Variants in RAD51B observed in about 807,000 individuals in gnomAD.
The protein encoded by RAD51B is RAD51 paralog B.
A neutral mutation model predicts 42.2 loss-of-function variants in RAD51B; 38 were observed. That is an observed-to-expected ratio of 0.90 (90% confidence interval 0.70 to 1.18). RAD51B has a LOEUF of 1.18. Among genes scored for constraint, RAD51B ranks in the 50% most tolerant of loss-of-function variants. The probability of loss-of-function intolerance (pLI) is 0.00; values close to 1 mark genes in which losing one functional copy is unlikely to be tolerated. For missense variants in RAD51B, 373 were observed against 400.7 expected (o/e 0.93, Z 0.59); for synonymous variants, 154 against 145.2 (o/e 1.06, Z -0.43).
intron 7 of RAD51B, among the ~76,000 whole-genome samples, chr14:67,969,141 C>G (rs1340479429): frequency 6.6e-6 from 1 of 152,214 alleles, no homozygotes; most frequent in Non-Finnish European, 1.5e-5. Context: ...CCATCTCCCA[C>G]TGGGTCTCTC....
At chr14:67,934,667 A>G (rs2044869057) in intron 7 of RAD51B, among the ~76,000 whole-genome samples, 1 of 152,142 alleles carries the variant, frequency 6.6e-6, no homozygotes, top group Non-Finnish European at 1.5e-5. Flanking sequence ...TTTGTTTCGT[A>G]TTCTCTATTT....
chr14:68,554,421 C>T (rs1888725480), intron 10 of RAD51B, among the ~76,000 whole-genome samples: 1 of 152,186 alleles, frequency 6.6e-6, no homozygotes, highest in Non-Finnish European at 1.5e-5. Context: ...ACACAGTCCT[C>T]CTGCCGGAGG....
intron 7 of RAD51B, among the ~76,000 whole-genome samples, chr14:68,100,686 T>A (rs905920674): frequency 6.6e-6 from 1 of 152,184 alleles, no homozygotes; most frequent in Non-Finnish European, 1.5e-5. Context: ...AAAGGGGCTA[T>A]GAATATTGAA....
intron 10 of RAD51B, chr14:68,540,166 CTTTTTTTTTT>C (rs11321834): frequency 1.7e-5 from 10 of 587,326 alleles, no homozygotes; most frequent in African/African-American, 2.5e-5. Context: ...TACCCTGCTC[CTTTTTTTTTT>C]TTTTTTTTTT....
At chr14:68,177,626 T>C (rs2078986151) in intron 7 of RAD51B, among the ~76,000 whole-genome samples, 1 of 151,294 alleles carries the variant, frequency 6.6e-6, no homozygotes, top group Admixed American at 6.6e-5. Flanking sequence ...CAGTGGGGAA[T>C]GAGAGAAAGG....
At chr14:68,430,407 G>A (rs942578005) in intron 9 of RAD51B, among the ~76,000 whole-genome samples, 7 of 152,042 alleles carry the variant, frequency 4.6e-5, no homozygotes, top group African/African-American at 7.2e-5. Flanking sequence ...ATTTGTTTGT[G>A]TCCTCTTTTA....
rs1237809337 is a variant in RAD51B at position 68,499,277 on chromosome 14, T to A, written c.1036+31027T>A. On this transcript the variant is annotated intron_variant, in intron 10 of 10. Transcript: ENST00000487270. ...GTCCCCCATTGGATGCAATGTTTCT[T>A]ACTAAGCGGAAAGAACTTGTTTTCA... Among the ~76,000 whole-genome samples the A allele has an allele frequency of 2.0e-5, 3 of 152,206 alleles. No individual in the cohort carries two copies. In the East Asian group the frequency reaches 5.8e-4, roughly 29 times the overall value.
intron 8 of RAD51B, among the ~76,000 whole-genome samples, chr14:68,344,715 A>G (rs1050660739): frequency 6.6e-6 from 1 of 152,064 alleles, no homozygotes; most frequent in African/African-American, 2.4e-5. Context: ...TAGGAGGCCA[A>G]GGCAGGCAGA....
At chr14:68,292,432 C>T (rs945373080) in intron 8 of RAD51B, among the ~76,000 whole-genome samples, 8 of 152,158 alleles carry the variant, frequency 5.3e-5, no homozygotes, top group East Asian at 3.8e-4. Flanking sequence ...AAAATCTCCA[C>T]GCTGGTAAAT....
intron 7 of RAD51B, among the ~76,000 whole-genome samples, chr14:68,223,896 G>C (rs1566740335): frequency 6.6e-6 from 1 of 152,164 alleles, no homozygotes; most frequent in African/African-American, 2.4e-5. Flanking sequence ...AGGGAGGGAG[G>C]CTTAACTGAC....
chr14:68,146,999 A>G (rs1213978746), intron 7 of RAD51B, among the ~76,000 whole-genome samples: 2 of 152,194 alleles, frequency 1.3e-5, no homozygotes, highest in East Asian at 3.8e-4. Context: ...GTTCATCCAG[A>G]TGGGATCAGA....
intron 10 of RAD51B, among the ~76,000 whole-genome samples, chr14:68,633,839 G>A (rs1892287995): frequency 1.3e-5 from 2 of 152,380 alleles, no homozygotes; most frequent in South Asian, 4.1e-4. Context: ...GGCCAGGGCT[G>A]TTTGGACAAC....
intron 7 of RAD51B, among the ~76,000 whole-genome samples, chr14:68,045,960 C>T (rs529478359): frequency 2.0e-4 from 30 of 152,176 alleles, no homozygotes; most frequent in African/African-American, 5.3e-4. Flanking sequence ...TTCTCTCCTT[C>T]GACATGGCAG....
chr14:67,887,152 T>C lies in RAD51B; in HGVS notation c.704T>C (p.Leu235Ser). The change falls in exon 7 of 11, where the codon TTG (leucine) becomes TCG (serine). Residue 235 changes from leucine (L) to serine (S), a missense_variant. Coordinates refer to ENST00000471583, the MANE Select transcript of RAD51B (RefSeq NM_133510.4). ...QGNLKERNKFLAREASSLKYL... is the reference protein window; with the variant it reads ...QGNLKERNKFSAREASSLKYL... ...AATCTCAAAGAAAGAAACAAGTTCT[T>C]GGCAAGAGAGGCATCCTCCTTGAAG... is the stretch of plus-strand genomic sequence containing the variant. The C allele has an allele frequency of 1.9e-6, 3 of 1,612,458 alleles. No individual in the cohort carries two copies. Among genetic ancestry groups the C allele is most frequent in the Non-Finnish European group, 2.5e-6 (3 of 1,179,020 alleles).
In RAD51B at chr14:68,501,670, A is replaced by G. The variant is rs191151269; in HGVS notation, c.1036+33420A>G. On this transcript the variant is annotated intron_variant, in intron 10 of 10. Transcript: ENST00000487270. ...TGAGAACTAAGGCTGTAAGGCCACA[A>G]CCGTTGGAAATAATGGGCCAGAACA... 4.6e-5 allele frequency among the ~76,000 whole-genome samples: 7 copies of G among 152,354 alleles called. No homozygotes were observed. In the East Asian group the frequency reaches 1.2e-3, roughly 25 times the overall value.
intron 7 of RAD51B, among the ~76,000 whole-genome samples, chr14:68,050,460 T>G (rs1190442824): frequency 1.3e-5 from 2 of 152,188 alleles, no homozygotes; most frequent in Non-Finnish European, 2.9e-5. Context: ...TTCATAGCAT[T>G]GCATAATATA....
chr14:68,159,480 C>G (rs937466282), intron 7 of RAD51B, among the ~76,000 whole-genome samples: 1 of 151,904 alleles, frequency 6.6e-6, no homozygotes, highest in Non-Finnish European at 1.5e-5. Context: ...ATTAGCCAGC[C>G]ACGATGGCGT....
Position 68,477,815 on chromosome 14 carries a change from A to G in RAD51B, c.*151A>G, listed in dbSNP as rs1263777311. On this transcript the variant is annotated 3_prime_UTR_variant, in exon 11 of 11. Coordinates refer to ENST00000471583, the MANE Select transcript of RAD51B (RefSeq NM_133510.4). Reference sequence around the variant, plus strand: ...ATGGTAACAGATTTGCTCCTAAACCATTGAGCTAGCGATTTCAGACCTAGC... The same window carrying G: ...ATGGTAACAGATTTGCTCCTAAACCGTTGAGCTAGCGATTTCAGACCTAGC... 4.1e-6 allele frequency: 6 copies of G among 1,476,872 alleles called. No individual in the cohort carries two copies. The East Asian group carries it at 1.5e-4, about 36-fold the overall frequency. The allele number at this position is 1,476,872 out of a possible 1,614,324, so 91.5% of individuals were successfully genotyped here. A position where few individuals can be genotyped will look rare whatever the true frequency, so the allele number is the denominator to read the frequency against.
chr14:68,489,969 T>G (rs2140278963), intron 10 of RAD51B, among the ~76,000 whole-genome samples: 1 of 152,306 alleles, frequency 6.6e-6, no homozygotes, highest in Non-Finnish European at 1.5e-5. Context: ...GAATGGAACA[T>G]GCAGAGATGT....
Sources: gnomAD v4.1 joint callset for allele counts (sites outside exome capture counted in the v4.1 genomes callset) on GRCh38, gnomAD v4.1.1 for gene constraint, MANE v1.5 for transcripts, NCBI Gene and HGNC (gene_info 2026-07-23, HGNC 2026-07-21) for gene names.